The following PPP1R14D variants were observed in gnomAD, a reference collection of about 807,000 sequenced individuals.
PPP1R14D encodes the protein protein phosphatase 1 regulatory subunit 14D.
In PPP1R14D, 14 loss-of-function variants were observed where a neutral mutation model predicts 17.1. That is an observed-to-expected ratio of 0.82 (90% confidence interval 0.54 to 1.28). The LOEUF (loss-of-function observed/expected upper bound fraction) is 1.28. Among genes scored for constraint, PPP1R14D ranks in the 50% most tolerant of loss-of-function variants. The pLI, the probability that PPP1R14D is intolerant of heterozygous loss-of-function variation, is 0.00. For missense variants in PPP1R14D, 173 were observed against 179.2 expected (o/e 0.97, Z 0.20); for synonymous variants, 67 against 66.1 (o/e 1.01, Z -0.06).
In PPP1R14D at chr15:40,821,459, G is replaced by T. The variant is rs201104320; in HGVS notation, c.256-5206C>A. Among the ~76,000 whole-genome samples the T allele has an allele frequency of 1.1e-4, 16 of 151,964 alleles. No homozygotes were observed. The East Asian group carries it at 1.2e-3, about 11-fold the overall frequency. The stretch of plus-strand genomic sequence containing the variant: ...CACTGTGGGGAAAAAAAAAAGGTCA[G>T]TTGAAGATATAGCAAATGAAATGAG... On this transcript the variant is annotated intron_variant, in intron 1 of 3. Transcript: ENST00000299174.
At chr15:40,821,397 T>C (rs1890774028) in intron 1 of PPP1R14D, among the ~76,000 whole-genome samples, 2 of 150,996 alleles carry the variant, frequency 1.3e-5, no homozygotes, top group Non-Finnish European at 2.9e-5. Flanking sequence ...ATATTTTAAA[T>C]GTAAACCTTA....
chr15:40,815,890 A>G, intron 3 of PPP1R14D, 72 bp downstream of exon 3: 1 of 1,588,386 alleles, frequency 6.3e-7, no homozygotes, highest in Non-Finnish European at 8.6e-7. Context: ...CCTTCCCTTC[A>G]AATACTCCTC....
intron 1 of PPP1R14D, among the ~76,000 whole-genome samples, chr15:40,821,322 G>T (rs1890772582): frequency 1.3e-5 from 2 of 152,030 alleles, no homozygotes; most frequent in Admixed American, 6.6e-5. Flanking sequence ...GTGACAGAGT[G>T]AGAGTCTGTC....
intron 1 of PPP1R14D, among the ~76,000 whole-genome samples, chr15:40,827,179 G>C (rs1890881986): frequency 6.6e-6 from 1 of 152,218 alleles, no homozygotes; most frequent in East Asian, 1.9e-4. Flanking sequence ...CAACATAGTA[G>C]TCACTAGCCA....
At chr15:40,822,452 C>T (rs62018607) in intron 1 of PPP1R14D, among the ~76,000 whole-genome samples, 4 of 151,704 alleles carry the variant, frequency 2.6e-5, no homozygotes, top group African/African-American at 9.7e-5. Flanking sequence ...AGTTCAAGAC[C>T]AGATTCTTTT....
chr15:40,828,524 T>C lies in PPP1R14D; in HGVS notation c.118A>G (p.Lys40Glu), dbSNP rs1175785024. The change falls in exon 1 of 4, where the codon AAG becomes GAG. Residue 40 changes from lysine (K) to glutamate (E), a missense_variant. Coordinates refer to ENST00000299174, the MANE Select transcript of PPP1R14D (RefSeq NM_017726.8). ...ATCTTGGAGGAGTCCGGGTGGGACT[T>C]GGACTCTGAGTCTGTGGATGATGTC... Reference protein sequence around the residue: ...RRTSSTDSESKSHPDSSKIPR... With the variant: ...RRTSSTDSESESHPDSSKIPR... The C allele has an allele frequency of 5.0e-6, 8 of 1,614,104 alleles. No individual in the cohort carries two copies. The highest frequency in any genetic ancestry group is 6.8e-6 in the Non-Finnish European group (8 of 1,180,052).
rs199954027 is a variant in PPP1R14D, at chr15:40,816,147, C to G, written c.339+23G>C. 8 of 1,612,690 alleles carry G rather than the reference C, an allele frequency of 5.0e-6. No homozygotes were observed. The Admixed American group carries it at 1.0e-4, about 20-fold the overall frequency. On this transcript the variant is annotated intron_variant, in intron 2 of 3. Transcript: ENST00000299174. ...TTTCTGGGTTCCCACTGACCCAAGGCCAGCTTCTAGCCCCCATCCTACCTC... is the reference window on the plus strand; with the variant it reads ...TTTCTGGGTTCCCACTGACCCAAGGGCAGCTTCTAGCCCCCATCCTACCTC...
chr15:40,826,241 G>T (rs1890866783), intron 1 of PPP1R14D, among the ~76,000 whole-genome samples: 1 of 152,034 alleles, frequency 6.6e-6, no homozygotes, highest in East Asian at 1.9e-4. Context: ...AGTTAGTTTC[G>T]AGATAGACTG....
chr15:40,818,168 T>TA (rs35986825), intron 1 of PPP1R14D, among the ~76,000 whole-genome samples: 71,995 of 150,978 alleles, frequency 0.48, 18,831 homozygotes, highest in African/African-American at 0.7. Context: ...TGGGTGCCTG[T>TA]GTCCCAGCTA....
chr15:40,815,972 C>T lies in PPP1R14D; in HGVS notation c.362G>A (p.Arg121His), dbSNP rs771283709. Residue 121 changes from arginine (R) to histidine (H), a missense_variant, in exon 3 of 4, where the codon CGC (arginine) becomes CAC (histidine). Physicochemically the swap from Arg to His is conservative, Grantham distance 29. Transcript: ENST00000299174. ...QLEAILGNCP[R>H]PTEAFISELL... ...AAGAACATCCCTTACCTCTGTGGGG[C>T]GGGGGCAGTTCCCAAGAATGGCCTA... 39 of 1,613,916 alleles carry T rather than the reference C, an allele frequency of 2.4e-5. No homozygotes were observed. The highest frequency in any genetic ancestry group is 3.3e-4 in the Middle Eastern group (2 of 6,084).
intron 1 of PPP1R14D, among the ~76,000 whole-genome samples, chr15:40,820,247 C>T (rs1314541697): frequency 6.6e-6 from 1 of 151,670 alleles, no homozygotes; most frequent in Non-Finnish European, 1.5e-5. Context: ...CAACCTCTGC[C>T]TCCCAGGGTG....
rs1396888345 is a variant in PPP1R14D at position 40,816,007 on chromosome 15, G to T, written c.340-13C>A. 6.2e-7 allele frequency: 1 copy of T among 1,614,004 alleles called. No individual in the cohort carries two copies. Among genetic ancestry groups the T allele is most frequent in the African/African-American group, 1.3e-5 (1 of 75,014 alleles). ...TCCCAAGAATGGCCTAGATAGGAGA[G>T]AACACAGACAGGGCCCCAAGTCACA... On this transcript the variant is annotated splice_polypyrimidine_tract_variant and intron_variant, in intron 2 of 3. Transcript: ENST00000299174.
intron 1 of PPP1R14D, 102 bp downstream of exon 1, chr15:40,828,285 A>C: frequency 7.0e-7 from 1 of 1,428,434 alleles, no homozygotes; most frequent in South Asian, 1.4e-5. Flanking sequence ...CTTTCTCTTC[A>C]CGGAAGCACC....
chr15:40,821,602 AT>A (rs1341340156), intron 1 of PPP1R14D, among the ~76,000 whole-genome samples: 1 of 152,138 alleles, frequency 6.6e-6, no homozygotes, highest in Non-Finnish European at 1.5e-5. Flanking sequence ...TGTAACTGGA[AT>A]CTCAGAGGGT....
chr15:40,815,676 CT>C lies in PPP1R14D; in HGVS notation c.*19del. On this transcript the variant is annotated 3_prime_UTR_variant, in exon 4 of 4. Transcript: ENST00000299174. ...GGCAGGCCTGGCAGTGCTGAGGCTG[CT>C]AAAGATGGTCTCTCAGGCTTATTTC... The C allele has an allele frequency of 1.2e-6, 2 of 1,613,484 alleles. No homozygotes were observed. Among genetic ancestry groups the C allele is most frequent in the Non-Finnish European group, 1.7e-6 (2 of 1,179,688 alleles).
intron 1 of PPP1R14D, among the ~76,000 whole-genome samples, chr15:40,818,820 C>T (rs1890722150): frequency 6.6e-6 from 1 of 152,168 alleles, no homozygotes. Context: ...GAATGTACAA[C>T]ACCAACAGTG....
At chr15:40,821,895 T>G (rs1182041302) in intron 1 of PPP1R14D, among the ~76,000 whole-genome samples, 1 of 152,194 alleles carries the variant, frequency 6.6e-6, no homozygotes, top group East Asian at 1.9e-4. Flanking sequence ...ACCACTGTAC[T>G]CCAGCGTGGG....
intron 1 of PPP1R14D, among the ~76,000 whole-genome samples, chr15:40,820,067 T>C (rs901190482): frequency 1.3e-4 from 19 of 151,580 alleles, no homozygotes; most frequent in Non-Finnish European, 2.5e-4. Flanking sequence ...GGTTTCTCCA[T>C]GTTGGTCAGG....
intron 1 of PPP1R14D, among the ~76,000 whole-genome samples, chr15:40,824,830 C>T (rs745757335): frequency 6.6e-6 from 1 of 152,108 alleles, no homozygotes; most frequent in Non-Finnish European, 1.5e-5. Context: ...AGATTTACCC[C>T]CAAGGCAGTG....
Sources: gnomAD v4.1 joint callset for allele counts (sites outside exome capture counted in the v4.1 genomes callset) on GRCh38, gnomAD v4.1.1 for gene constraint, MANE v1.5 for transcripts, NCBI Gene and HGNC (gene_info 2026-07-23, HGNC 2026-07-21) for gene names.